ELAPOR1: variants seen among roughly 807,000 people sequenced by gnomAD.
ELAPOR1 encodes endosome-lysosome associated apoptosis and autophagy regulator 1.
In ELAPOR1, 77 loss-of-function variants were observed where a neutral mutation model predicts 119.7. The ratio of observed to expected loss-of-function variants is 0.64; its 90% confidence interval spans 0.54 to 0.78. ELAPOR1 has a LOEUF of 0.78. Among genes scored for constraint, ELAPOR1 ranks in the 30% least tolerant of loss-of-function variants. ELAPOR1 has a pLI of 0.00. For missense variants in ELAPOR1, 1,115 were observed against 1,270.4 expected (o/e 0.88, Z 1.86); for synonymous variants, 481 against 487.2 (o/e 0.99, Z 0.17).
At chr1:109,178,941 G>T (rs1321187225) in intron 7 of ELAPOR1, among the ~76,000 whole-genome samples, 1 of 148,734 alleles carries the variant, frequency 6.7e-6, no homozygotes, top group Admixed American at 6.7e-5. Flanking sequence ...TTCCAATCTG[G>T]GTGACAGAAT....
intron 21 of ELAPOR1, among the ~76,000 whole-genome samples, chr1:109,201,948 C>CA (rs1052171707): frequency 1.3e-5 from 2 of 152,026 alleles, no homozygotes; most frequent in Admixed American, 1.3e-4. Context: ...AAATAAAAAA[C>CA]AATCAGCTGG....
intron 1 of ELAPOR1, among the ~76,000 whole-genome samples, chr1:109,136,706 CT>C (rs945249874): frequency 7.2e-5 from 11 of 152,158 alleles, no homozygotes; most frequent in Admixed American, 7.2e-4. Context: ...GCTAAATACC[CT>C]GAAAATAACG....
intron 1 of ELAPOR1, among the ~76,000 whole-genome samples, chr1:109,135,699 G>A (rs1649427866): frequency 3.3e-5 from 5 of 152,148 alleles, no homozygotes; most frequent in African/African-American, 7.2e-5. Flanking sequence ...TCCTAAATCC[G>A]TAGCTTATAT....
intron 2 of ELAPOR1, among the ~76,000 whole-genome samples, chr1:109,162,388 A>G (rs921148540): frequency 2.0e-5 from 3 of 152,180 alleles, no homozygotes; most frequent in African/African-American, 7.2e-5. Flanking sequence ...GGCAAGATTG[A>G]GATTTGCTTT....
intron 17 of ELAPOR1, 85 bp downstream of exon 17, chr1:109,198,160 A>G: frequency 1.9e-6 from 2 of 1,044,906 alleles, no homozygotes; most frequent in Admixed American, 1.8e-5. Context: ...CTAGCCACCT[A>G]CTGCTTATCA....
intron 1 of ELAPOR1, among the ~76,000 whole-genome samples, chr1:109,155,324 C>T (rs1650811656): frequency 6.6e-6 from 1 of 152,074 alleles, no homozygotes; most frequent in African/African-American, 2.4e-5. Flanking sequence ...TACAGGCACC[C>T]ACCATCACGC....
chr1:109,128,406 G>C (rs1648932261), intron 1 of ELAPOR1, among the ~76,000 whole-genome samples: 1 of 152,172 alleles, frequency 6.6e-6, no homozygotes, highest in Non-Finnish European at 1.5e-5. Flanking sequence ...GGCTAATTTT[G>C]TGCTTGAAAT....
At chr1:109,139,489 C>T (rs547388770) in intron 1 of ELAPOR1, among the ~76,000 whole-genome samples, 23 of 152,234 alleles carry the variant, frequency 1.5e-4, no homozygotes, top group African/African-American at 4.6e-4. Context: ...GACAACAAAA[C>T]CAGAGACAGG....
chr1:109,156,998 CTT>C (rs772965895), intron 1 of ELAPOR1, among the ~76,000 whole-genome samples: 2 of 152,214 alleles, frequency 1.3e-5, no homozygotes, highest in Non-Finnish European at 2.9e-5. Context: ...CAATAGATGT[CTT>C]TGTTGAACCT....
rs543781555 is a variant in ELAPOR1 at position 109,158,891 on chromosome 1, C to CTT, written c.154-2985_154-2984dup. 2.4e-3 allele frequency among the ~76,000 whole-genome samples: 312 copies of CTT among 128,744 alleles called. 3 individuals carry two copies. The highest frequency in any genetic ancestry group is 0.019 in the Middle Eastern group (5 of 262). 84.5% of individuals were successfully genotyped at this position (128,744 alleles called of 152,430 possible). On this transcript the variant is annotated intron_variant, in intron 1 of 21. Transcript: ENST00000369939. ...GGTTTAACTCTCTCTAAGCTTATGT[C>CTT]TTTTTTTTTTTTTTTTTTTAGACGG...
Position 109,192,562 on chromosome 1 carries a change from C to A in ELAPOR1, c.1684-49C>A, listed in dbSNP as rs924713242. The A allele has an allele frequency of 1.9e-6, 3 of 1,590,246 alleles. No individual in the cohort carries two copies. In the Admixed American group the frequency reaches 5.2e-5, roughly 27 times the overall value. On this transcript the variant is annotated intron_variant, in intron 13 of 21. Coordinates refer to ENST00000369939, the MANE Select transcript of ELAPOR1 (RefSeq NM_020775.5). ...CTCTTTCTAGAGGCCTCAATTGTTG[C>A]TGCTGTCTCAGGCCTCTCCCCTCTC... is the stretch of plus-strand genomic sequence containing the variant.
intron 1 of ELAPOR1, among the ~76,000 whole-genome samples, chr1:109,131,957 G>T (rs563190808): frequency 4.6e-5 from 7 of 152,304 alleles, no homozygotes; most frequent in African/African-American, 1.4e-4. Flanking sequence ...AGACTTGGAG[G>T]CCCTTGGAGA....
intron 20 of ELAPOR1, among the ~76,000 whole-genome samples, chr1:109,200,446 A>AAG (rs1306030161): frequency 2.6e-5 from 4 of 152,230 alleles, no homozygotes; most frequent in Non-Finnish European, 5.9e-5. Context: ...CTCAAAAGCA[A>AAG]AGAGTATCCT....
intron 1 of ELAPOR1, among the ~76,000 whole-genome samples, chr1:109,159,044 C>T (rs558165770): frequency 1.1e-4 from 16 of 152,080 alleles, no homozygotes; most frequent in African/African-American, 3.6e-4. Flanking sequence ...ATTACAGGCG[C>T]GTGCCACCAC....
At chr1:109,169,661 T>C (rs1038699362) in intron 3 of ELAPOR1, among the ~76,000 whole-genome samples, 1 of 152,200 alleles carries the variant, frequency 6.6e-6, no homozygotes, top group African/African-American at 2.4e-5. Context: ...ACCCTGTGAC[T>C]CCCCACTATG....
intron 1 of ELAPOR1, among the ~76,000 whole-genome samples, chr1:109,115,227 G>A (rs906351002): frequency 6.6e-6 from 1 of 152,112 alleles, no homozygotes; most frequent in African/African-American, 2.4e-5. Flanking sequence ...TGTGCTCTGA[G>A]CAACTTTTTT....
At chr1:109,115,975 A>G (rs1158187925) in intron 1 of ELAPOR1, among the ~76,000 whole-genome samples, 1 of 152,234 alleles carries the variant, frequency 6.6e-6, no homozygotes, top group African/African-American at 2.4e-5. Flanking sequence ...CTTGCCTAAG[A>G]ATCAAACAAG....
At chr1:109,201,004 C>A in intron 21 of ELAPOR1, 104 bp downstream of exon 21, 1 of 1,017,550 alleles carries the variant, frequency 9.8e-7, no homozygotes, top group Non-Finnish European at 1.4e-6. Flanking sequence ...GGGCACCCTG[C>A]TCCCCACGCC....
At position 109,171,958 on chromosome 1, in the gene ELAPOR1, G is replaced by C. The variant is rs760465964; in HGVS notation, c.560G>C (p.Gly187Ala). The C allele has an allele frequency of 6.2e-7, 1 of 1,614,192 alleles. No homozygotes were observed. Among genetic ancestry groups the C allele is most frequent in the South Asian group, 1.1e-5 (1 of 91,080 alleles). Residue 187 changes from glycine to alanine, a missense_variant, in exon 4 of 22, where the codon GGC (glycine) becomes GCC (alanine). Transcript: ENST00000369939. The stretch of plus-strand genomic sequence containing the variant: ...TACGCCGTCAACCTGAAGCAATCTG[G>C]CACCGTTAACTTCGAATACTACTAT... ...LMYAVNLKQS[G>A]TVNFEYYYPD...
Sources: allele counts gnomAD v4.1 joint callset (sites outside exome capture counted in the v4.1 genomes callset), GRCh38; gene constraint gnomAD v4.1.1; transcripts MANE v1.5; gene names NCBI Gene and HGNC (gene_info 2026-07-23, HGNC 2026-07-21).